Variants in CERS6 observed in about 807,000 individuals in gnomAD.
CERS6 encodes LAG1 homolog, ceramide synthase 6.
Under a neutral mutation model 56.8 loss-of-function variants are expected in CERS6, and 26 were observed. The ratio of observed to expected loss-of-function variants is 0.46; its 90% CI spans 0.34 to 0.63. CERS6 has a LOEUF of 0.63. CERS6 is among the 30% of genes least tolerant of loss of function. The pLI, the probability that CERS6 is intolerant of heterozygous loss-of-function variation, is 0.01. For missense variants in CERS6, 415 were observed against 467.5 expected (o/e 0.89, Z 1.04); for synonymous variants, 164 against 173.3 (o/e 0.95, Z 0.42).
chr2:168,645,134 TATATATATAGAG>T (rs1168328562), intron 4 of CERS6, among the ~76,000 whole-genome samples: 92 of 38,812 alleles, frequency 2.4e-3, no homozygotes, highest in Non-Finnish European at 3.8e-3. Context: ...TATATATATA[TATATATATAGAG>T]AGAGAGAGAG....
At chr2:168,523,043 A>T (rs10930329) in intron 1 of CERS6, among the ~76,000 whole-genome samples, 2 of 152,148 alleles carry the variant, frequency 1.3e-5, no homozygotes, top group Non-Finnish European at 2.9e-5. Context: ...AAGTAACAGT[A>T]CCTGATTGAT....
intron 8 of CERS6, among the ~76,000 whole-genome samples, chr2:168,727,510 C>T (rs749906247): frequency 8.0e-5 from 12 of 150,312 alleles, no homozygotes; most frequent in African/African-American, 4.9e-5. Context: ...GATCGCGCCA[C>T]TGCACTCCTG....
At chr2:168,698,540 A>G (rs962630265) in intron 6 of CERS6, among the ~76,000 whole-genome samples, 10 of 152,260 alleles carry the variant, frequency 6.6e-5, no homozygotes, top group African/African-American at 1.7e-4. Flanking sequence ...GACAGCACCA[A>G]TGGGGGATGG....
At chr2:168,543,181 A>G (rs1404824606) in intron 1 of CERS6, among the ~76,000 whole-genome samples, 5 of 152,224 alleles carry the variant, frequency 3.3e-5, no homozygotes, top group African/African-American at 1.2e-4. Flanking sequence ...CAAAGTTTAC[A>G]TCCTTATTAT....
At chr2:168,551,599 G>T (rs1011324175) in intron 2 of CERS6, among the ~76,000 whole-genome samples, 28 of 152,206 alleles carry the variant, frequency 1.8e-4, no homozygotes, top group African/African-American at 6.7e-4. Flanking sequence ...GTTCATGAGG[G>T]TTAAATAATC....
In CERS6 at chr2:168,774,555, A is replaced by G. The variant is rs944239646; in HGVS notation, c.*4893A>G. The G allele has an allele frequency of 1.8e-4, 27 of 151,930 alleles. 1 individual carries two copies. Among genetic ancestry groups the G allele is most frequent in the Admixed American group, 1.7e-3 (26 of 15,254 alleles). The allele number at this position is 151,930 out of a possible 1,614,324, so 9.4% of individuals were successfully genotyped here. The stretch of plus-strand genomic sequence containing the variant: ...GTTTCTGTGTTCAGTGAAAAATTCT[A>G]TTTCATTGAGACAATTTTTTCTTTA... On this transcript the variant is annotated 3_prime_UTR_variant, in exon 10 of 10. Coordinates refer to ENST00000305747, the MANE Select transcript of CERS6 (RefSeq NM_203463.3).
At chr2:168,729,558 C>T (rs989095514) in intron 8 of CERS6, among the ~76,000 whole-genome samples, 4 of 152,182 alleles carry the variant, frequency 2.6e-5, no homozygotes, top group African/African-American at 9.7e-5. Context: ...CCTGTGTGGA[C>T]CAGTACCAGA....
chr2:168,576,741 C>CACATACAT (rs143929422), intron 3 of CERS6, among the ~76,000 whole-genome samples: 2,814 of 152,238 alleles, frequency 0.018, 122 homozygotes, highest in East Asian at 0.18. Flanking sequence ...CACCTATACA[C>CACATACAT]ACATACATAC....
intron 6 of CERS6, among the ~76,000 whole-genome samples, chr2:168,714,198 C>T (rs960314050): frequency 1.3e-5 from 2 of 152,188 alleles, no homozygotes; most frequent in African/African-American, 2.4e-5. Flanking sequence ...TGGCCTCATG[C>T]CCTAATTACC....
At chr2:168,648,500 C>A (rs1404837582) in intron 4 of CERS6, among the ~76,000 whole-genome samples, 1 of 152,028 alleles carries the variant, frequency 6.6e-6, no homozygotes, top group South Asian at 2.1e-4. Flanking sequence ...TCTTTTGAAT[C>A]ATTTTTCATG....
chr2:168,685,076 C>G lies in CERS6; in HGVS notation c.466-5958C>G, dbSNP rs563259272. On this transcript the variant is annotated intron_variant, in intron 4 of 9. Coordinates refer to ENST00000305747, the MANE Select transcript of CERS6 (RefSeq NM_203463.3). ...AAACATAATCCAACTACATAGAGAACAAATGTCTGTTAGACTATATTCCTT... is the reference window on the plus strand; with the variant it reads ...AAACATAATCCAACTACATAGAGAAGAAATGTCTGTTAGACTATATTCCTT... Among the ~76,000 whole-genome samples, 24 of 152,208 alleles carry G rather than the reference C, an allele frequency of 1.6e-4. No individual in the cohort carries two copies. In the South Asian group the frequency reaches 5.0e-3, roughly 32 times the overall value.
intron 3 of CERS6, among the ~76,000 whole-genome samples, chr2:168,621,409 A>C (rs1005301402): frequency 6.6e-6 from 1 of 152,174 alleles, no homozygotes; most frequent in African/African-American, 2.4e-5. Flanking sequence ...GATTCCCACA[A>C]ATTTTGGTCA....
intron 3 of CERS6, among the ~76,000 whole-genome samples, chr2:168,604,407 G>T (rs1345630293): frequency 6.6e-6 from 1 of 151,198 alleles, no homozygotes; most frequent in East Asian, 2.0e-4. Flanking sequence ...GTGTGTGTGT[G>T]TGTAGGTCAG....
chr2:168,551,129 C>T (rs1695563074), intron 2 of CERS6, among the ~76,000 whole-genome samples: 1 of 152,168 alleles, frequency 6.6e-6, no homozygotes, highest in Non-Finnish European at 1.5e-5. Flanking sequence ...TTTCCAACCC[C>T]AAATGTGGAC....
intron 6 of CERS6, among the ~76,000 whole-genome samples, chr2:168,712,689 G>T (rs1294287462): frequency 6.6e-6 from 1 of 152,138 alleles, no homozygotes; most frequent in Non-Finnish European, 1.5e-5. Context: ...TAATGTTGCT[G>T]CTCTGGCTTC....
At position 168,691,160 on chromosome 2, in the gene CERS6, G is replaced by A. The variant is rs1297015326; in HGVS notation, c.516+76G>A. The A allele has an allele frequency of 7.2e-6, 10 of 1,390,984 alleles. No homozygotes were observed. In the African/African-American group the frequency reaches 1.4e-4, roughly 20 times the overall value. 86.2% of individuals were successfully genotyped at this position (1,390,984 alleles called of 1,614,324 possible). On this transcript the variant is annotated intron_variant, in intron 5 of 9. Transcript: ENST00000305747. ...CGGTCAATTTCATGGTCTCAGGCAG[G>A]CCCCAACAGGTTGGACAACCACCTT... is the stretch of plus-strand genomic sequence containing the variant.
chr2:168,496,517 T>C (rs1030372323), intron 1 of CERS6, among the ~76,000 whole-genome samples: 1 of 152,122 alleles, frequency 6.6e-6, no homozygotes, highest in Non-Finnish European at 1.5e-5. Context: ...GTCCCCACAC[T>C]ATCACCAGCA....
At chr2:168,628,620 G>A (rs957055691) in intron 3 of CERS6, among the ~76,000 whole-genome samples, 1 of 152,162 alleles carries the variant, frequency 6.6e-6, no homozygotes, top group African/African-American at 2.4e-5. Context: ...TATGGGGTGG[G>A]AGATTCTGTT....
At chr2:168,476,885 T>C (rs965267341) in intron 1 of CERS6, among the ~76,000 whole-genome samples, 5 of 152,080 alleles carry the variant, frequency 3.3e-5, no homozygotes, top group Non-Finnish European at 4.4e-5. Context: ...GGAAACACAG[T>C]CATATACATA....
Sources: allele counts gnomAD v4.1 joint callset (sites outside exome capture counted in the v4.1 genomes callset), GRCh38; gene constraint gnomAD v4.1.1; transcripts MANE v1.5; gene names NCBI Gene and HGNC (gene_info 2026-07-23, HGNC 2026-07-21).